Variants in ING5 observed in about 807,000 individuals in gnomAD.
The protein encoded by ING5 is inhibitor of growth family member 5.
A neutral mutation model predicts 37.4 loss-of-function variants in ING5; 17 were observed. The observed-to-expected ratio is 0.45, with a 90% CI of 0.31 to 0.68. The LOEUF (loss-of-function observed/expected upper bound fraction) is 0.68, where lower values mean the gene tolerates loss of function less well. ING5 is among the 30% of genes least tolerant of loss of function. ING5 has a pLI of 0.05. For synonymous variants in ING5, 123 were observed against 116.6 expected (o/e 1.06, Z -0.36); for missense variants, 233 against 311.9 (o/e 0.75, Z 1.91).
chr2:241,702,042 C>T lies in ING5; in HGVS notation c.-24C>T. 7.2e-7 allele frequency: 1 copy of T among 1,379,326 alleles called. No homozygotes were observed. The highest frequency in any genetic ancestry group is 1.5e-5 in the South Asian group (1 of 66,802). 85.4% of individuals were successfully genotyped at this position (1,379,326 alleles called of 1,614,324 possible). On this transcript the variant is annotated 5_prime_UTR_variant, in exon 1 of 8. Transcript: ENST00000313552. ...CCGCGGCACCGCCCGCCCGCGCAGA[C>T]CCCGAGCGCGGCCGCGGACGAAGAT...
chr2:241,715,209 T>A (rs1244062936), intron 5 of ING5, among the ~76,000 whole-genome samples: 1 of 152,080 alleles, frequency 6.6e-6, no homozygotes, highest in Non-Finnish European at 1.5e-5. Flanking sequence ...TTTTCTTGTT[T>A]TTTGAGATGA....
At chr2:241,691,527 C>T (rs186983538) in intron 2 of ING5, among the ~76,000 whole-genome samples, 10 of 117,004 alleles carry the variant, frequency 8.5e-5, no homozygotes, top group Admixed American at 6.8e-4. Flanking sequence ...ACTTCCACCA[C>T]GCAGGGAATA....
chr2:241,690,911 A>G (rs1169731698), intron 2 of ING5, among the ~76,000 whole-genome samples: 1 of 150,748 alleles, frequency 6.6e-6, no homozygotes, highest in Non-Finnish European at 1.5e-5. Context: ...GGTTCAGACG[A>G]TTCTCCTGCC....
At chr2:241,722,642 T>C in intron 5 of ING5, 2 of 985,132 alleles carry the variant, frequency 2.0e-6, no homozygotes, top group Non-Finnish European at 2.4e-6. Flanking sequence ...GTTATTGAGG[T>C]TTTGAAAATG....
At chr2:241,718,312 C>T (rs996290339) in intron 5 of ING5, among the ~76,000 whole-genome samples, 6 of 121,532 alleles carry the variant, frequency 4.9e-5, no homozygotes, top group African/African-American at 2.1e-4. Context: ...TTCCTTTCTT[C>T]TTTCCTCCCT....
intron 2 of ING5, among the ~76,000 whole-genome samples, chr2:241,705,608 A>C (rs1048288078): frequency 7.1e-6 from 1 of 141,186 alleles, no homozygotes; most frequent in Non-Finnish European, 1.5e-5. Flanking sequence ...CATGTTCACC[A>C]TGTTAGCCAG....
At chr2:241,689,363 G>C (rs1455307810) in intron 1 of ING5, among the ~76,000 whole-genome samples, 2 of 152,194 alleles carry the variant, frequency 1.3e-5, no homozygotes, top group Non-Finnish European at 2.9e-5. Context: ...GCCCACGTCA[G>C]CCTCCCTAAG....
At chr2:241,698,449 G>C (rs1403339734), upstream of ING5, among the ~76,000 whole-genome samples, 1 of 151,184 alleles carries the variant, frequency 6.6e-6, no homozygotes, top group Non-Finnish European at 1.5e-5. Context: ...TTGTTTCATC[G>C]ATTGTAACAA....
At chr2:241,720,916 G>A (rs1319463152) in intron 5 of ING5, 26 of 985,496 alleles carry the variant, frequency 2.6e-5, no homozygotes, top group African/African-American at 3.5e-5. Context: ...AGGCCTGCAC[G>A]GTGGCCTCAG....
Position 241,728,377 on chromosome 2 carries a change from T to G in ING5, c.*3346T>G, listed in dbSNP as rs180946630. The stretch of plus-strand genomic sequence containing the variant: ...CCAGACCCATCTCTTGGATTGAGGG[T>G]GTGTGGGCTGGAACCAGTGGGTCAC... On this transcript the variant is annotated 3_prime_UTR_variant, in exon 8 of 8. Transcript: ENST00000313552. 200 of 152,740 alleles carry G rather than the reference T, an allele frequency of 1.3e-3. 1 individual carries two copies. Among genetic ancestry groups the G allele is most frequent in the Non-Finnish European group, 2.2e-3 (148 of 68,076 alleles). The allele number at this position is 152,740 out of a possible 1,614,324, so 9.5% of individuals were successfully genotyped here.
At chr2:241,723,121 GGGGCA>G in intron 6 of ING5, 47 bp downstream of exon 6, 1 of 1,614,082 alleles carries the variant, frequency 6.2e-7, no homozygotes, top group Non-Finnish European at 8.5e-7. Flanking sequence ...GGTCTTGTGT[GGGGCA>G]GGGCTGGCGG....
At chr2:241,710,011 C>T (rs963700946) in intron 3 of ING5, among the ~76,000 whole-genome samples, 12 of 151,982 alleles carry the variant, frequency 7.9e-5, no homozygotes, top group African/African-American at 1.7e-4. Flanking sequence ...GGTGTGATCA[C>T]GGCTCACTGC....
At chr2:241,704,139 C>G (rs933770885) in intron 1 of ING5, among the ~76,000 whole-genome samples, 3 of 152,204 alleles carry the variant, frequency 2.0e-5, no homozygotes, top group Admixed American at 2.0e-4. Context: ...TCTTTGACTT[C>G]TGACAGCTTC....
exon 1 of ING5, chr2:241,687,317 A>G: frequency 2.5e-6 from 1 of 398,640 alleles, no homozygotes; most frequent in Non-Finnish European, 4.4e-6. Context: ...GGCCCAGTGC[A>G]GGGGCTCAGC....
At chr2:241,719,914 C>A in intron 5 of ING5, 2 of 1,312,302 alleles carry the variant, frequency 1.5e-6, no homozygotes, top group South Asian at 2.5e-5. Context: ...GCGACAGTTG[C>A]GGGGCCCTGC....
At chr2:241,689,389 C>T (rs1020951728) in intron 1 of ING5, among the ~76,000 whole-genome samples, 62 of 152,202 alleles carry the variant, frequency 4.1e-4, no homozygotes, top group African/African-American at 1.5e-3. Flanking sequence ...GGATTACAGA[C>T]GTGAACCACT....
At chr2:241,712,955 C>T (rs1005942443) in intron 5 of ING5, among the ~76,000 whole-genome samples, 6 of 149,758 alleles carry the variant, frequency 4.0e-5, no homozygotes, top group South Asian at 2.1e-4. Context: ...GAGCCACGAT[C>T]GCACCACTAC....
chr2:241,699,746 C>G (rs533022287), upstream of ING5, among the ~76,000 whole-genome samples: 2 of 151,834 alleles, frequency 1.3e-5, no homozygotes, highest in Admixed American at 1.3e-4. Context: ...TCTTGGGGCT[C>G]GGGGAGCCTT....
At chr2:241,720,491 G>A in intron 5 of ING5, 3 of 1,002,926 alleles carry the variant, frequency 3.0e-6, no homozygotes, top group Non-Finnish European at 3.6e-6. Flanking sequence ...GTGACCTGAG[G>A]CTGCCCCCTG....
Sources: allele counts gnomAD v4.1 joint callset (sites outside exome capture counted in the v4.1 genomes callset), GRCh38; gene constraint gnomAD v4.1.1; transcripts MANE v1.5; gene names NCBI Gene and HGNC (gene_info 2026-07-23, HGNC 2026-07-21).